Variants in ESRRG observed in about 807,000 individuals in gnomAD.
ESRRG encodes the protein estrogen related receptor gamma.
ESRRG carries 13 observed loss-of-function variants against 44.0 expected under a neutral mutation model. The ratio of observed to expected loss-of-function variants is 0.30; its 90% CI spans 0.19 to 0.47. ESRRG has a LOEUF of 0.47. Ranked by LOEUF, ESRRG falls within the 20% of genes least tolerant of loss-of-function variation. The probability of loss-of-function intolerance (pLI) is 1.00; values close to 1 mark genes in which losing one functional copy is unlikely to be tolerated. For synonymous variants in ESRRG, 215 were observed against 214.6 expected, an observed-to-expected ratio of 1.00 and a Z score of -0.02; for missense variants, 395 against 580.6, an observed-to-expected ratio of 0.68 and a Z score of 3.29.
intron 1 of ESRRG, among the ~76,000 whole-genome samples, chr1:217,063,650 C>G (rs2089030846): frequency 6.6e-6 from 1 of 152,132 alleles, no homozygotes; most frequent in Non-Finnish European, 1.5e-5. Flanking sequence ...ATTAAGCTAT[C>G]CTGAGGCAGA....
Position 217,102,925 on chromosome 1 carries a change from C to A in ESRRG, c.-230+34742G>T, listed in dbSNP as rs978658926. On this transcript the variant is annotated intron_variant, in intron 1 of 8. Transcript: ENST00000366940. The stretch of plus-strand genomic sequence containing the variant: ...CAAGCTGAGAGGCTTATACAGTCAG[C>A]GAGGCAGCTGATGGGGGAGAGAGAA... Among the ~76,000 whole-genome samples, 3 of 151,900 alleles carry A rather than the reference C, an allele frequency of 2.0e-5. No individual in the cohort carries two copies. The East Asian group carries it at 5.8e-4, about 29-fold the overall frequency.
chr1:216,771,402 T>C (rs2152393766), intron 2 of ESRRG, among the ~76,000 whole-genome samples: 1 of 152,292 alleles, frequency 6.6e-6, no homozygotes, highest in South Asian at 2.1e-4. Flanking sequence ...AGCATGTATG[T>C]ACAGTTATCT....
chr1:216,512,314 T>C (rs962064771), intron 6 of ESRRG, among the ~76,000 whole-genome samples: 6 of 152,140 alleles, frequency 3.9e-5, no homozygotes, highest in African/African-American at 9.7e-5. Flanking sequence ...AAAAACATGA[T>C]GAACTTCTCC....
chr1:216,920,889 T>C (rs990802515), intron 2 of ESRRG, among the ~76,000 whole-genome samples: 3 of 152,144 alleles, frequency 2.0e-5, no homozygotes, highest in Non-Finnish European at 4.4e-5. Context: ...AAATTATTAG[T>C]GTTGTAGAGG....
At chr1:216,703,021 C>A (rs879234926) in intron 1 of ESRRG, among the ~76,000 whole-genome samples, 5 of 151,962 alleles carry the variant, frequency 3.3e-5, no homozygotes, top group Non-Finnish European at 7.4e-5. Context: ...TGAATACAAA[C>A]CAATCAAGGC....
chr1:216,596,780 C>G (rs1335913080), intron 3 of ESRRG, among the ~76,000 whole-genome samples: 1 of 152,162 alleles, frequency 6.6e-6, no homozygotes, highest in African/African-American at 2.4e-5. Flanking sequence ...TTTTTGCAAT[C>G]AGTGGCATAT....
intron 1 of ESRRG, among the ~76,000 whole-genome samples, chr1:217,018,541 C>T (rs1381743126): frequency 1.3e-5 from 2 of 152,064 alleles, no homozygotes; most frequent in African/African-American, 2.4e-5. Flanking sequence ...TTTTGCTGCT[C>T]AGCTCCCTCC....
At chr1:216,605,512 C>CA (rs1028699098) in intron 3 of ESRRG, among the ~76,000 whole-genome samples, 7 of 152,022 alleles carry the variant, frequency 4.6e-5, no homozygotes, top group African/African-American at 1.4e-4. Flanking sequence ...ATCTCCCTTA[C>CA]AAAAGGAAAT....
chr1:216,570,370 C>A lies in ESRRG; in HGVS notation c.590-2272G>T, dbSNP rs369456900. Reference sequence around the variant, plus strand: ...CTTTTAAAGCACTCCATGCCTACAGCAGATGTATTCCTTTGTTTATCTAAT... The same window carrying A: ...CTTTTAAAGCACTCCATGCCTACAGAAGATGTATTCCTTTGTTTATCTAAT... On this transcript the variant is annotated intron_variant, in intron 3 of 6. Transcript: ENST00000408911. Among the ~76,000 whole-genome samples, 26 of 152,308 alleles carry A rather than the reference C, an allele frequency of 1.7e-4. No individual in the cohort carries two copies. In the East Asian group the frequency reaches 4.2e-3, roughly 25 times the overall value.
At chr1:216,929,284 T>TTCCC (rs1372879645) in intron 2 of ESRRG, among the ~76,000 whole-genome samples, 1 of 152,090 alleles carries the variant, frequency 6.6e-6, no homozygotes, top group Non-Finnish European at 1.5e-5. Flanking sequence ...CCTTCCTTCC[T>TTCCC]TCCCTCTTTC....
chr1:217,094,263 T>C (rs1028305506), upstream of ESRRG, among the ~76,000 whole-genome samples: 2 of 152,242 alleles, frequency 1.3e-5, no homozygotes, highest in Non-Finnish European at 2.9e-5. Context: ...ATTATTCATG[T>C]GTGCCTAAAA....
At chr1:217,012,532 G>C (rs1319286872) in intron 1 of ESRRG, among the ~76,000 whole-genome samples, 1 of 152,130 alleles carries the variant, frequency 6.6e-6, no homozygotes, top group Non-Finnish European at 1.5e-5. Context: ...CTGATAGCAA[G>C]AAAATGACAC....
At chr1:216,980,540 TG>T (rs1489959346) in intron 1 of ESRRG, among the ~76,000 whole-genome samples, 2 of 152,160 alleles carry the variant, frequency 1.3e-5, no homozygotes, top group East Asian at 3.9e-4. Flanking sequence ...AGTAAGTCCG[TG>T]GGACCTCTCC....
At chr1:216,848,243 C>A (rs1367463064) in intron 2 of ESRRG, among the ~76,000 whole-genome samples, 1 of 152,132 alleles carries the variant, frequency 6.6e-6, no homozygotes, top group African/African-American at 2.4e-5. Flanking sequence ...GTCAAGTATG[C>A]TTCTGGGGTG....
At chr1:216,677,740 G>A (rs2076350692) in intron 1 of ESRRG, among the ~76,000 whole-genome samples, 1 of 152,136 alleles carries the variant, frequency 6.6e-6, no homozygotes, top group South Asian at 2.1e-4. Context: ...ATCAGCATAA[G>A]GGCATGACAG....
chr1:216,718,579 G>A (rs1307033823), intron 1 of ESRRG, among the ~76,000 whole-genome samples: 2 of 151,954 alleles, frequency 1.3e-5, no homozygotes, highest in Non-Finnish European at 2.9e-5. Context: ...GAGAAAGAGA[G>A]GCTAAATATC....
chr1:216,897,173 T>TGAA lies in ESRRG; in HGVS notation c.-14+42408_-14+42409insTTC, dbSNP rs1301548407. 3.9e-5 allele frequency among the ~76,000 whole-genome samples: 6 copies of TGAA among 152,138 alleles called. No homozygotes were observed. In the South Asian group the frequency reaches 1.2e-3, roughly 32 times the overall value. ...AGAAATGAATGAGGAGGAAAGAAAATGTACAAATGAGAAGGACCCAGTGGA... is the reference window on the plus strand; with the variant it reads ...AGAAATGAATGAGGAGGAAAGAAAATGAAGTACAAATGAGAAGGACCCAGTGGA... On this transcript the variant is annotated intron_variant, in intron 2 of 7. Coordinates refer to the ESRRG transcript ENST00000359162.
At chr1:216,583,712 C>T (rs567335844) in intron 3 of ESRRG, among the ~76,000 whole-genome samples, 12 of 152,146 alleles carry the variant, frequency 7.9e-5, no homozygotes, top group African/African-American at 1.7e-4. Context: ...AAGACATACC[C>T]GAGACTGGGC....
chr1:216,742,297 G>T (rs998425714), intron 2 of ESRRG, among the ~76,000 whole-genome samples: 1 of 152,120 alleles, frequency 6.6e-6, no homozygotes, highest in Non-Finnish European at 1.5e-5. Flanking sequence ...AAAGGGCATG[G>T]CCAATTTGAC....
Sources: gnomAD v4.1 joint callset for allele counts (sites outside exome capture counted in the v4.1 genomes callset) on GRCh38, gnomAD v4.1.1 for gene constraint, MANE v1.5 for transcripts, NCBI Gene and HGNC (gene_info 2026-07-23, HGNC 2026-07-21) for gene names.